The following PRH1 variants were observed in gnomAD, a reference collection of about 807,000 sequenced individuals.
PRH1 encodes salivary acidic proline-rich phosphoprotein 1/2.
PRH1 carries 7 observed loss-of-function variants against 7.9 expected under a neutral mutation model. The ratio of observed to expected loss-of-function variants is 0.89; its 90% CI spans 0.50 to 1.67. The LOEUF (loss-of-function observed/expected upper bound fraction) is 1.67, where lower values mean the gene tolerates loss of function less well. PRH1 is among the 40% of genes most tolerant of loss of function. PRH1 has a pLI of 0.00. For missense variants in PRH1, 109 were observed against 223.6 expected, an observed-to-expected ratio of 0.49 and a Z score of 3.27; for synonymous variants, 45 against 80.8, an observed-to-expected ratio of 0.56 and a Z score of 2.38.
At chr12:11,164,743 C>CAA (rs11292777) in intron 1 of PRH1, among the ~76,000 whole-genome samples, 1 of 148,500 alleles carries the variant, frequency 6.7e-6, no homozygotes, top group African/African-American at 2.5e-5. Context: ...TGAGGCTTCT[C>CAA]AAAAAAAAAA....
intron 1 of PRH1, among the ~76,000 whole-genome samples, chr12:11,076,514 G>T: frequency 8.5e-6 from 1 of 117,738 alleles, no homozygotes; most frequent in Non-Finnish European, 2.0e-5. Context: ...GGAGCTCAGA[G>T]GTGGCTAAGA....
At chr12:11,122,197 T>C (rs138290973) in intron 1 of PRH1, among the ~76,000 whole-genome samples, 1 of 152,364 alleles carries the variant, frequency 6.6e-6, no homozygotes, top group African/African-American at 2.4e-5. Flanking sequence ...TTCTTGCTCT[T>C]TTCCATTTAC....
chr12:11,118,993 CAAAAAAAAAAAA>C (rs3983928), downstream of PRH1, among the ~76,000 whole-genome samples: 1 of 75,578 alleles, frequency 1.3e-5, no homozygotes, highest in East Asian at 4.4e-4. Context: ...GACTCCATCT[CAAAAAAAAAAAA>C]AAAAAAAAAA....
At chr12:10,946,399 A>G (rs1215739270) in intron 2 of PRH1, among the ~76,000 whole-genome samples, 1 of 152,118 alleles carries the variant, frequency 6.6e-6, no homozygotes, top group Non-Finnish European at 1.5e-5. Flanking sequence ...GAATTTATCT[A>G]TCTCTTCTAG....
intron 2 of PRH1, chr12:10,908,638 CT>C (rs754668618): frequency 6.2e-6 from 10 of 1,613,844 alleles, no homozygotes; most frequent in Middle Eastern, 3.3e-4. Context: ...GTCCTGGGGT[CT>C]CTGTGTCCTT....
chr12:11,034,856 C>T (rs965742046), intron 1 of PRH1: 1 of 152,932 alleles, frequency 6.5e-6, no homozygotes, highest in African/African-American at 2.4e-5. Context: ...CACTGAACTC[C>T]AGCCTGGATA....
chr12:10,956,385 A>G (rs2135924435), intron 2 of PRH1, among the ~76,000 whole-genome samples: 1 of 152,342 alleles, frequency 6.6e-6, no homozygotes, highest in South Asian at 2.1e-4. Flanking sequence ...TTCATATTAA[A>G]AACTCTCAAC....
chr12:11,138,431 A>G (rs7316032), intron 1 of PRH1, among the ~76,000 whole-genome samples: 44,067 of 152,128 alleles, frequency 0.29, 8,263 homozygotes, highest in East Asian at 0.74. Context: ...TAGTAACAAA[A>G]TATTTAACCC....
rs72477452 is a variant in PRH1 at position 11,124,327 on chromosome 12, C to T, written n.40-3147G>A. On this transcript the variant is annotated intron_variant and non_coding_transcript_variant, in intron 1 of 1. Coordinates refer to the PRH1 transcript ENST00000541175. Reference sequence around the variant, plus strand: ...TGCCTTTGAACTCCATCATTACCTACATGAAATAGAGAAGATGTGGGGGAG... The same window carrying T: ...TGCCTTTGAACTCCATCATTACCTATATGAAATAGAGAAGATGTGGGGGAG... Among the ~76,000 whole-genome samples, 4 of 150,568 alleles carry T rather than the reference C, an allele frequency of 2.7e-5. No individual in the cohort carries two copies. The East Asian group carries it at 7.7e-4, about 29-fold the overall frequency.
intron 1 of PRH1, chr12:11,046,881 A>T (rs1942919131): frequency 2.9e-6 from 1 of 346,098 alleles, no homozygotes; most frequent in African/African-American, 2.1e-5. Context: ...TATAGAGAAC[A>T]GCTCATGATG....
chr12:11,067,347 T>C (rs1225474115), intron 1 of PRH1, among the ~76,000 whole-genome samples: 2 of 152,208 alleles, frequency 1.3e-5, no homozygotes, highest in East Asian at 1.9e-4. Context: ...TTTGGGATAA[T>C]AGGTCTATAT....
At chr12:10,977,337 G>T (rs1453449444) in intron 1 of PRH1, among the ~76,000 whole-genome samples, 2 of 152,136 alleles carry the variant, frequency 1.3e-5, no homozygotes, top group African/African-American at 4.8e-5. Context: ...CTCGATAGAT[G>T]CAGAAAAGGC....
Position 10,884,177 on chromosome 12 carries a change from C to A in PRH1, c.41G>T (p.Ser14Ile). ...ILLSVALLAF[S>I]SAQDLNEDVS... ...ACCTTCATTTAAATCCTGAGCTGAG[C>A]TGAAGGCCAGCAGGGCCACTGACAG... The change falls in exon 1 of 4, where the codon AGC (serine) becomes ATC (isoleucine). Residue 14 changes from serine (S) to isoleucine (I), a missense_variant. This residue lies in a region of PRH1 where 60 missense variants were observed against 76.5 expected (regional missense o/e 0.78). Transcript: ENST00000543626. The A allele has an allele frequency of 6.2e-7, 1 of 1,614,166 alleles. No homozygotes were observed. Among genetic ancestry groups the A allele is most frequent in the East Asian group, 2.2e-5 (1 of 44,876 alleles).
At chr12:11,043,981 C>T (rs1055930507) in intron 1 of PRH1, among the ~76,000 whole-genome samples, 2 of 151,952 alleles carry the variant, frequency 1.3e-5, no homozygotes, top group African/African-American at 4.8e-5. Context: ...CCAGAATAGC[C>T]AAAAGTATCC....
intron 2 of PRH1, among the ~76,000 whole-genome samples, chr12:10,957,659 A>T (rs1938038766): frequency 6.6e-6 from 1 of 152,174 alleles, no homozygotes; most frequent in Admixed American, 6.5e-5. Flanking sequence ...AATATTTCGT[A>T]AACTATGCAA....
chr12:10,932,429 C>A (rs1448920019), intron 2 of PRH1: 8 of 172,148 alleles, frequency 4.6e-5, no homozygotes, highest in African/African-American at 2.0e-4. Flanking sequence ...TTCCAGCAAG[C>A]TTCTTTCCTC....
intron 2 of PRH1, among the ~76,000 whole-genome samples, chr12:10,928,653 C>T (rs1053135808): frequency 6.6e-6 from 1 of 152,214 alleles, no homozygotes; most frequent in African/African-American, 2.4e-5. Context: ...GAGGAGGCTG[C>T]GGGGCAGCCT....
intron 1 of PRH1, among the ~76,000 whole-genome samples, chr12:11,052,307 T>C (rs1485835252): frequency 6.6e-6 from 1 of 152,250 alleles, no homozygotes; most frequent in Non-Finnish European, 1.5e-5. Context: ...TTTATGAAGG[T>C]CTACTACTCT....
At chr12:11,116,475 G>A (rs1010579106), downstream of PRH1, among the ~76,000 whole-genome samples, 2 of 151,968 alleles carry the variant, frequency 1.3e-5, no homozygotes, top group African/African-American at 4.8e-5. Context: ...GATGGCTTTA[G>A]AGCTGAATTC....
Sources: gnomAD v4.1 joint callset for allele counts (sites outside exome capture counted in the v4.1 genomes callset) on GRCh38, gnomAD v4.1.1 for gene constraint, gnomAD v4.1.1 regional missense constraint, MANE v1.5 for transcripts, NCBI Gene and HGNC (gene_info 2026-07-23, HGNC 2026-07-21) for gene names.